The following SETX variants were observed in gnomAD, a reference collection of about 807,000 sequenced individuals.
SETX encodes the protein helicase senataxin.
Under a neutral mutation model 227.2 loss-of-function variants are expected in SETX, and 90 were observed. That is an observed-to-expected ratio of 0.40 (90% CI 0.33 to 0.47). The LOEUF is 0.47. Ranked by LOEUF, SETX falls within the 20% of genes least tolerant of loss-of-function variation. The pLI is 0.91. For synonymous variants in SETX, 1,210 were observed against 1,113.2 expected (o/e 1.09, Z -1.73); for missense variants, 3,052 against 3,181.5 (o/e 0.96, Z 0.98).
At chr9:132,346,154 C>T in intron 4 of SETX, 107 bp downstream of exon 4, 1 of 890,556 alleles carries the variant, frequency 1.1e-6, no homozygotes, top group Non-Finnish European at 1.8e-6. Flanking sequence ...AATTATATAT[C>T]CTAATTATAT....
chr9:132,305,049 G>T (rs1216999492), intron 11 of SETX, among the ~76,000 whole-genome samples: 2 of 151,648 alleles, frequency 1.3e-5, no homozygotes, highest in African/African-American at 2.4e-5. Context: ...CTTATTTGGG[G>T]ATATAAAAAA....
At chr9:132,314,273 G>A (rs564628600) in intron 10 of SETX, among the ~76,000 whole-genome samples, 21 of 152,238 alleles carry the variant, frequency 1.4e-4, no homozygotes, top group African/African-American at 4.6e-4. Flanking sequence ...TGTATTTTTA[G>A]TAGAGACAGA....
chr9:132,281,408 A>G, intron 20 of SETX, 59 bp downstream of exon 20: 3 of 1,323,994 alleles, frequency 2.3e-6, no homozygotes, highest in East Asian at 2.3e-5. Flanking sequence ...TCCCTCCTGA[A>G]AACAAAAATT....
At chr9:132,346,633 C>T (rs1281126873) in intron 3 of SETX, among the ~76,000 whole-genome samples, 162 bp from the exon 4 acceptor site, 4 of 152,056 alleles carry the variant, frequency 2.6e-5, no homozygotes, top group Non-Finnish European at 5.9e-5. Flanking sequence ...AATGTGGCCA[C>T]TTTTATGAAA....
chr9:132,317,162 C>A (rs1846018867), intron 10 of SETX, among the ~76,000 whole-genome samples: 1 of 152,196 alleles, frequency 6.6e-6, no homozygotes, highest in Non-Finnish European at 1.5e-5. Flanking sequence ...ATGCATTCAT[C>A]ATTAGACTAG....
intron 18 of SETX, 131 bp from the exon 19 acceptor site, chr9:132,283,544 A>G (rs1292706976): frequency 8.9e-7 from 1 of 1,129,266 alleles, no homozygotes. Flanking sequence ...AGTAAAAGTT[A>G]GGGGAAACCC....
At chr9:132,319,046 C>T (rs1846171713) in intron 10 of SETX, among the ~76,000 whole-genome samples, 1 of 152,172 alleles carries the variant, frequency 6.6e-6, no homozygotes, top group South Asian at 2.1e-4. Context: ...GGCCATTAGC[C>T]CGTGATCATT....
intron 11 of SETX, among the ~76,000 whole-genome samples, chr9:132,301,488 T>C (rs1043560323): frequency 3.9e-5 from 6 of 152,204 alleles, no homozygotes; most frequent in African/African-American, 1.2e-4. Context: ...CGCATAATGA[T>C]GTTGTGGTCA....
intron 23 of SETX, among the ~76,000 whole-genome samples, chr9:132,274,501 G>A (rs1171511437): frequency 6.6e-6 from 1 of 151,200 alleles, no homozygotes; most frequent in Non-Finnish European, 1.5e-5. Flanking sequence ...TGATGCAGTG[G>A]GGCAATCTCA....
chr9:132,329,590 CATT>C lies in SETX; in HGVS notation c.2005_2007del (p.Asn669del), dbSNP rs772269575. The C allele has an allele frequency of 9.3e-6, 15 of 1,613,596 alleles. No homozygotes were observed. The African/African-American group carries it at 1.9e-4, about 20-fold the overall frequency. ...TTCACATCCTTTATATAATTTTGCT[CATT>C]ATTGTCACCTTCTATAGTGTTATCT... On this transcript the variant is annotated inframe_deletion, in exon 10 of 26. Coordinates refer to ENST00000224140, the MANE Select transcript of SETX (RefSeq NM_015046.7).
At chr9:132,323,672 C>T (rs111266686) in intron 10 of SETX, among the ~76,000 whole-genome samples, 5,881 of 152,130 alleles carry the variant, frequency 0.039, 391 homozygotes, top group African/African-American at 0.14. Flanking sequence ...GAGGCAAAGG[C>T]AGGTGGATCA....
At position 132,264,111 on chromosome 9, in the gene SETX, G is replaced by T; in HGVS notation, c.*128C>A. The stretch of plus-strand genomic sequence containing the variant: ...GACCAGAGGCTCAGGTGTTAAGGAT[G>T]CATTTTCCATGTTTTCCAACAGCAC... On this transcript the variant is annotated 3_prime_UTR_variant, in exon 26 of 26. Coordinates refer to ENST00000224140, the MANE Select transcript of SETX (RefSeq NM_015046.7). 2 of 1,321,086 alleles carry T rather than the reference G, an allele frequency of 1.5e-6. No individual in the cohort carries two copies. Among genetic ancestry groups the T allele is most frequent in the Non-Finnish European group, 2.1e-6 (2 of 932,444 alleles). 81.8% of individuals were successfully genotyped at this position (1,321,086 alleles called of 1,614,324 possible).
chr9:132,307,386 CT>C (rs1291063221), intron 11 of SETX, among the ~76,000 whole-genome samples: 1 of 151,424 alleles, frequency 6.6e-6, no homozygotes, highest in East Asian at 1.9e-4. Flanking sequence ...TACTTACAAT[CT>C]TTATGTATCC....
chr9:132,278,016 C>A, intron 21 of SETX, 54 bp downstream of exon 21: 1 of 1,513,956 alleles, frequency 6.6e-7, no homozygotes, highest in South Asian at 1.1e-5. Context: ...GTCTATTCTT[C>A]ATAAGTAGCT....
chr9:132,276,931 A>C (rs1483999082), intron 22 of SETX, 129 bp downstream of exon 22: 1 of 798,630 alleles, frequency 1.3e-6, no homozygotes, highest in Non-Finnish European at 2.1e-6. Context: ...CATCAACTTA[A>C]GTGAACATGA....
chr9:132,332,085 T>C (rs1440764314), intron 7 of SETX, among the ~76,000 whole-genome samples: 4 of 152,224 alleles, frequency 2.6e-5, no homozygotes, highest in Non-Finnish European at 4.4e-5. Flanking sequence ...CTATCAAATA[T>C]GCAGTAGCAA....
chr9:132,310,302 T>C (rs1431213887), intron 11 of SETX, among the ~76,000 whole-genome samples: 2 of 152,370 alleles, frequency 1.3e-5, no homozygotes, highest in East Asian at 1.9e-4. Context: ...ACTTCTCATA[T>C]ACTGCTGGTG....
At chr9:132,302,658 C>A (rs2131315334) in intron 11 of SETX, among the ~76,000 whole-genome samples, 2 of 75,566 alleles carry the variant, frequency 2.6e-5, no homozygotes, top group South Asian at 1.1e-3. Context: ...GAGACTTTGT[C>A]TCAAAAAAAA....
intron 10 of SETX, 151 bp from the exon 11 acceptor site, chr9:132,312,007 T>C (rs1845696638): frequency 1.5e-6 from 1 of 688,520 alleles, no homozygotes; most frequent in East Asian, 2.7e-5. Context: ...GTTAATACAA[T>C]TATCTGGAAC....
Sources: gnomAD v4.1 joint callset for allele counts (sites outside exome capture counted in the v4.1 genomes callset) on GRCh38, gnomAD v4.1.1 for gene constraint, MANE v1.5 for transcripts, NCBI Gene and HGNC (gene_info 2026-07-23, HGNC 2026-07-21) for gene names.